The following MCTP1 variants were observed in gnomAD, a reference collection of about 807,000 sequenced individuals.
MCTP1 encodes the protein multiple C2 and transmembrane domain-containing protein 1.
In MCTP1, 69 loss-of-function variants were observed where a neutral mutation model predicts 120.6. The observed-to-expected ratio is 0.57, with a 90% CI of 0.47 to 0.70. The LOEUF (loss-of-function observed/expected upper bound fraction) is 0.70, where lower values mean the gene tolerates loss of function less well. Ranked by LOEUF, MCTP1 falls within the 30% of genes least tolerant of loss-of-function variation. The pLI is 0.00. For missense variants in MCTP1, 1,203 were observed against 1,248.8 expected (o/e 0.96, Z 0.55); for synonymous variants, 529 against 493.1 (o/e 1.07, Z -0.96).
rs533757620 is a variant in MCTP1, at chr5:95,044,353, A to T, written c.721-26869T>A. On this transcript the variant is annotated intron_variant, in intron 1 of 22. Transcript: ENST00000515393. Reference sequence around the variant, plus strand: ...CTCTCTTTCTGGCAGGCAGCAGAGGAAGAGCAGTTCTGCTCAACAGAACAG... The same window carrying T: ...CTCTCTTTCTGGCAGGCAGCAGAGGTAGAGCAGTTCTGCTCAACAGAACAG... Among the ~76,000 whole-genome samples, 19 of 152,330 alleles carry T rather than the reference A, an allele frequency of 1.2e-4. No individual in the cohort carries two copies. The East Asian group carries it at 3.5e-3, about 28-fold the overall frequency.
chr5:95,156,092 T>A (rs1424208010), intron 1 of MCTP1, among the ~76,000 whole-genome samples: 1 of 152,188 alleles, frequency 6.6e-6, no homozygotes, highest in Non-Finnish European at 1.5e-5. Context: ...CTGATTCCTG[T>A]CAATGATGTA....
chr5:94,922,034 G>C (rs1314033230), intron 7 of MCTP1, among the ~76,000 whole-genome samples: 3 of 152,156 alleles, frequency 2.0e-5, no homozygotes, highest in Admixed American at 6.5e-5. Flanking sequence ...TGACATCAGT[G>C]TGATGGGCCT....
chr5:94,949,622 CTT>C (rs1345232036), intron 3 of MCTP1, among the ~76,000 whole-genome samples: 7 of 152,100 alleles, frequency 4.6e-5, no homozygotes, highest in Admixed American at 6.5e-5. Context: ...ACTTTCATAA[CTT>C]TGGCTCAGAA....
chr5:95,123,622 AG>A (rs1466263465), intron 1 of MCTP1, among the ~76,000 whole-genome samples: 1 of 151,008 alleles, frequency 6.6e-6, no homozygotes, highest in Non-Finnish European at 1.5e-5. Context: ...TGGGTTTCTA[AG>A]AAAGTATTTG....
At chr5:95,008,497 T>A (rs2153652214) in intron 2 of MCTP1, among the ~76,000 whole-genome samples, 1 of 152,288 alleles carries the variant, frequency 6.6e-6, no homozygotes, top group South Asian at 2.1e-4. Flanking sequence ...TTTGGGAGAC[T>A]GGCTTTGTCA....
chr5:94,872,484 T>G (rs1340052716), intron 13 of MCTP1, among the ~76,000 whole-genome samples: 2 of 152,046 alleles, frequency 1.3e-5, no homozygotes, highest in Non-Finnish European at 2.9e-5. Context: ...AGAATTATGT[T>G]AGAAAACTTT....
chr5:95,140,879 C>CAAAA lies in MCTP1; in HGVS notation c.721-123399_721-123396dup, dbSNP rs33910299. Among the ~76,000 whole-genome samples, 133 of 45,154 alleles carry CAAAA rather than the reference C, an allele frequency of 2.9e-3. 3 individuals are homozygous for CAAAA. Among genetic ancestry groups the CAAAA allele is most frequent in the East Asian group, 3.9e-3 (6 of 1,542 alleles). 29.6% of individuals were successfully genotyped at this position (45,154 alleles called of 152,430 possible). ...TGGGCGACAGAGCGAGACTCCGTCT[C>CAAAA]AAAAAAAAAAAAAAAAAAAAAAAAA... On this transcript the variant is annotated intron_variant, in intron 1 of 22. Transcript: ENST00000515393.
At chr5:94,744,243 G>A (rs549490738) in intron 19 of MCTP1, among the ~76,000 whole-genome samples, 3 of 152,310 alleles carry the variant, frequency 2.0e-5, no homozygotes, top group South Asian at 2.1e-4. Context: ...CAAAGTGCTC[G>A]GATTATAGGC....
chr5:95,169,602 A>G (rs915206788), intron 1 of MCTP1, among the ~76,000 whole-genome samples: 1 of 152,090 alleles, frequency 6.6e-6, no homozygotes, highest in Non-Finnish European at 1.5e-5. Flanking sequence ...CAGGAATTCA[A>G]CTTCTTCCTG....
At chr5:95,057,819 A>G (rs1248828753) in intron 1 of MCTP1, among the ~76,000 whole-genome samples, 3 of 152,208 alleles carry the variant, frequency 2.0e-5, no homozygotes, top group East Asian at 1.9e-4. Flanking sequence ...TGGATCACCA[A>G]TGATCCGCAA....
At chr5:94,887,918 T>C (rs562620415) in intron 12 of MCTP1, among the ~76,000 whole-genome samples, 335 of 152,358 alleles carry the variant, frequency 2.2e-3, no homozygotes, top group Admixed American at 4.6e-3. Context: ...AAGTGCACAG[T>C]GATTTCAGGT....
intron 1 of MCTP1, among the ~76,000 whole-genome samples, chr5:95,127,980 G>C (rs1433515707): frequency 6.6e-6 from 1 of 152,158 alleles, no homozygotes; most frequent in Non-Finnish European, 1.5e-5. Context: ...TTGTTACAGA[G>C]GGCTTAGGCT....
intron 17 of MCTP1, chr5:94,867,007 A>ATT: frequency 4.6e-6 from 1 of 215,770 alleles, no homozygotes; most frequent in East Asian, 9.9e-5. Flanking sequence ...TTACAGGACA[A>ATT]TTTTTTTTTG....
chr5:94,868,599 G>T, intron 16 of MCTP1, 147 bp from the exon 17 acceptor site: 1 of 497,306 alleles, frequency 2.0e-6, no homozygotes, highest in Non-Finnish European at 3.2e-6. Context: ...TGGCTCACAA[G>T]TTAAAGAATT....
At chr5:95,206,187 G>T in intron 1 of MCTP1, among the ~76,000 whole-genome samples, 1 of 152,160 alleles carries the variant, frequency 6.6e-6, no homozygotes, top group African/African-American at 2.4e-5. Flanking sequence ...ATATTATTTG[G>T]CAATAAAAAT....
chr5:95,143,331 G>A (rs1582352401), intron 1 of MCTP1, among the ~76,000 whole-genome samples: 2 of 152,166 alleles, frequency 1.3e-5, no homozygotes, highest in South Asian at 4.1e-4. Flanking sequence ...ACATCTTGCT[G>A]TAAAGTTGTA....
At chr5:95,166,917 C>CTTTTTTTTTTT (rs386404479) in intron 1 of MCTP1, among the ~76,000 whole-genome samples, 4 of 137,860 alleles carry the variant, frequency 2.9e-5, no homozygotes, top group East Asian at 2.2e-4. Flanking sequence ...CCTTTCTATT[C>CTTTTTTTTTTT]TTTTTTTTTT....
chr5:94,737,162 A>AT (rs528444746), intron 19 of MCTP1, among the ~76,000 whole-genome samples: 1 of 147,102 alleles, frequency 6.8e-6, no homozygotes, highest in African/African-American at 2.5e-5. Context: ...TAATTTTTAA[A>AT]TTTTTTTGTA....
chr5:95,127,606 C>A (rs961554975), intron 1 of MCTP1, among the ~76,000 whole-genome samples: 1 of 152,130 alleles, frequency 6.6e-6, no homozygotes, highest in Non-Finnish European at 1.5e-5. Flanking sequence ...AGGAGGTGGA[C>A]TGACCCCAGA....
Sources: gnomAD v4.1 joint callset for allele counts (sites outside exome capture counted in the v4.1 genomes callset) on GRCh38, gnomAD v4.1.1 for gene constraint, MANE v1.5 for transcripts, NCBI Gene and HGNC (gene_info 2026-07-23, HGNC 2026-07-21) for gene names.